The following CFAP54 variants were observed in gnomAD, a reference collection of about 807,000 sequenced individuals.
CFAP54 encodes cilia- and flagella-associated protein 54.
CFAP54 carries 290 observed loss-of-function variants against 370.4 expected under a neutral mutation model. The observed-to-expected ratio is 0.78, with a 90% CI of 0.71 to 0.86. The LOEUF (loss-of-function observed/expected upper bound fraction) is 0.86, where lower values mean the gene tolerates loss of function less well. Ranked by LOEUF, CFAP54 falls within the 40% of genes least tolerant of loss-of-function variation. The pLI is 0.00. For synonymous variants in CFAP54, 1,206 were observed against 1,236.5 expected (o/e 0.98, Z 0.52); for missense variants, 3,399 against 3,528.7 (o/e 0.96, Z 0.93).
At chr12:96,562,801 A>G (rs993870052) in intron 17 of CFAP54, among the ~76,000 whole-genome samples, 116 of 151,930 alleles carry the variant, frequency 7.6e-4, no homozygotes, top group African/African-American at 2.6e-3. Context: ...ATCTTTTTAC[A>G]TTTTATTTTA....
chr12:96,578,767 A>G (rs547727158), intron 20 of CFAP54, among the ~76,000 whole-genome samples: 9 of 152,200 alleles, frequency 5.9e-5, no homozygotes, highest in Non-Finnish European at 1.2e-4. Flanking sequence ...TTGAGGCTTC[A>G]GCCATCTTTT....
intron 33 of CFAP54, chr12:96,646,480 A>G (rs1316404380): frequency 6.6e-6 from 1 of 152,202 alleles, no homozygotes; most frequent in African/African-American, 2.4e-5. Flanking sequence ...AGAAATAGGA[A>G]CACTTTTACA....
At chr12:96,750,272 C>A (rs1045084762) in intron 55 of CFAP54, among the ~76,000 whole-genome samples, 1 of 151,756 alleles carries the variant, frequency 6.6e-6, no homozygotes, top group African/African-American at 2.4e-5. Context: ...CCTTCTAGGA[C>A]CCACCTGTCT....
At chr12:96,670,881 C>T (rs1029898613) in intron 39 of CFAP54, among the ~76,000 whole-genome samples, 1 of 152,188 alleles carries the variant, frequency 6.6e-6, no homozygotes, top group African/African-American at 2.4e-5. Flanking sequence ...AATGCTCTTT[C>T]TCAATTCAGA....
At position 96,784,808 on chromosome 12, in the gene CFAP54, G is replaced by A. The variant is rs1592759783; in HGVS notation, c.8373G>A (p.Gln2791=). ...GCGCAGATGGTAGAAAAAAGACTCA[G>A]ACCAAAGTGGATATTACATGGATCC... is the stretch of plus-strand genomic sequence containing the variant. ...CDSADGRKKT[Q]TKVDITWILL... Residue 2791 remains glutamine, a synonymous_variant, in exon 61 of 68, where the codon CAG becomes CAA. Transcript: ENST00000524981. The A allele has an allele frequency of 6.5e-7, 1 of 1,534,758 alleles. No individual in the cohort carries two copies. The highest frequency in any genetic ancestry group is 2.5e-5 in the East Asian group (1 of 40,810).
At chr12:96,624,728 A>G (rs1265496766) in intron 28 of CFAP54, among the ~76,000 whole-genome samples, 1 of 152,170 alleles carries the variant, frequency 6.6e-6, no homozygotes, top group Admixed American at 6.5e-5. Context: ...GTAGAATTCC[A>G]TGTCCCTACC....
chr12:96,564,563 A>C lies in CFAP54; in HGVS notation c.2497+9A>C. 1 of 684,728 alleles carries C rather than the reference A, an allele frequency of 1.5e-6. No individual in the cohort carries two copies. Among genetic ancestry groups the C allele is most frequent in the Non-Finnish European group, 2.6e-6 (1 of 378,204 alleles). 42.4% of individuals were successfully genotyped at this position (684,728 alleles called of 1,614,324 possible). ...CACTGATTGTTTTACAGGTAATTAA[A>C]ATTGGGATAACTGGTATTTCCAAAA... On this transcript the variant is annotated intron_variant, in intron 18 of 67. Coordinates refer to ENST00000524981, the MANE Select transcript of CFAP54 (RefSeq NM_001306084.2).
At chr12:96,601,307 C>T (rs1093237) in intron 26 of CFAP54, among the ~76,000 whole-genome samples, 104,295 of 152,008 alleles carry the variant, frequency 0.69, 35,930 homozygotes, top group East Asian at 0.71. Flanking sequence ...GGATGAAGCC[C>T]ACTTGATCGT....
chr12:96,821,217 A>T (rs976554708), intron 65 of CFAP54, among the ~76,000 whole-genome samples: 2 of 152,166 alleles, frequency 1.3e-5, no homozygotes, highest in Non-Finnish European at 2.9e-5. Context: ...AGATGTAGGT[A>T]TCAAATTCAT....
rs1955325340 is a variant in CFAP54, at chr12:96,521,922, A to G, written c.1008A>G (p.Ser336=). The stretch of plus-strand genomic sequence containing the variant: ...GGCAACTGGAATTAATGAGTTCCTC[A>G]AAATCCCAGGAAGAATCGCGAAGAT... ...ELRQLELMSS[S]KSQEESRRYF... is the part of the protein sequence containing the mutation. The change falls in exon 7 of 68, where the codon TCA becomes TCG. Residue 336 remains serine, a synonymous_variant. Coordinates refer to ENST00000524981, the MANE Select transcript of CFAP54 (RefSeq NM_001306084.2). 1 of 1,534,904 alleles carries G rather than the reference A, an allele frequency of 6.5e-7. No homozygotes were observed. The highest frequency in any genetic ancestry group is 8.7e-7 in the Non-Finnish European group (1 of 1,145,848).
intron 44 of CFAP54, among the ~76,000 whole-genome samples, chr12:96,692,497 A>C (rs917705933): frequency 9.9e-5 from 15 of 152,216 alleles, no homozygotes; most frequent in Admixed American, 2.0e-4. Context: ...TTTCTTACTA[A>C]AGAAAAGAAA....
chr12:96,799,390 G>A (rs1332912540), intron 63 of CFAP54, among the ~76,000 whole-genome samples: 1 of 152,092 alleles, frequency 6.6e-6, no homozygotes, highest in African/African-American at 2.4e-5. Context: ...GTTCTGCATT[G>A]GTCTATTCTT....
At chr12:96,567,759 T>TC (rs1302406133) in intron 19 of CFAP54, among the ~76,000 whole-genome samples, 1 of 152,108 alleles carries the variant, frequency 6.6e-6, no homozygotes, top group Non-Finnish European at 1.5e-5. Context: ...GTGTGCTGGT[T>TC]CCCCTGTATG....
chr12:96,736,846 CA>C (rs1353136616), intron 50 of CFAP54, among the ~76,000 whole-genome samples: 1 of 152,078 alleles, frequency 6.6e-6, no homozygotes, highest in Admixed American at 6.5e-5. Flanking sequence ...AGCAAAAATT[CA>C]ACAAAACCAA....
intron 26 of CFAP54, among the ~76,000 whole-genome samples, chr12:96,620,889 A>T (rs1163151506): frequency 2.0e-5 from 3 of 152,218 alleles, no homozygotes; most frequent in Admixed American, 6.5e-5. Context: ...CACAATGGTG[A>T]CTGTCAGATT....
chr12:96,707,274 C>G (rs1266779924), intron 47 of CFAP54, among the ~76,000 whole-genome samples: 3 of 145,002 alleles, frequency 2.1e-5, no homozygotes, highest in Admixed American at 6.9e-5. Context: ...TTTTTTTTTT[C>G]ACATTTAATG....
At chr12:96,580,788 C>T in intron 21 of CFAP54, 99 bp downstream of exon 21, 1 of 1,103,030 alleles carries the variant, frequency 9.1e-7, no homozygotes, top group Non-Finnish European at 1.2e-6. Context: ...CTAATTTCCA[C>T]CTGAATCATA....
chr12:96,571,374 T>C (rs1013417486), intron 19 of CFAP54, among the ~76,000 whole-genome samples: 1 of 152,210 alleles, frequency 6.6e-6, no homozygotes, highest in African/African-American at 2.4e-5. Context: ...CCTTAGAGCT[T>C]ATTTTTATTG....
chr12:96,657,902 A>C lies in CFAP54; in HGVS notation c.5121A>C (p.Glu1707Asp). The stretch of plus-strand genomic sequence containing the variant: ...TGCAGCCTATTGAAGACAAAGGAGA[A>C]TTCAGTGTTCCAAGCTGTTATGGGA... ...SSIKPIEDKG[E>D]FSVPSCYGNI... The change falls in exon 37 of 68, where the codon GAA becomes GAC. Residue 1707 changes from glutamate to aspartate, a missense_variant. By Grantham distance (45) the Glu-to-Asp change is conservative. Transcript: ENST00000524981. 2 of 1,612,200 alleles carry C rather than the reference A, an allele frequency of 1.2e-6. No homozygotes were observed. The highest frequency in any genetic ancestry group is 1.7e-6 in the Non-Finnish European group (2 of 1,179,250).
Sources: gnomAD v4.1 joint callset for allele counts (sites outside exome capture counted in the v4.1 genomes callset) on GRCh38, gnomAD v4.1.1 for gene constraint, MANE v1.5 for transcripts, NCBI Gene and HGNC (gene_info 2026-07-23, HGNC 2026-07-21) for gene names.